Variants in CAMK4 observed in about 807,000 individuals in gnomAD.
CAMK4 encodes calcium/calmodulin dependent protein kinase IV, also known as calcium/calmodulin-dependent protein kinase type IV.
A neutral mutation model predicts 44.9 loss-of-function variants in CAMK4; 22 were observed. That is an observed-to-expected ratio of 0.49 (90% CI 0.35 to 0.70). The LOEUF (loss-of-function observed/expected upper bound fraction) is 0.70, where lower values mean the gene tolerates loss of function less well. CAMK4 is among the 30% of genes least tolerant of loss of function. CAMK4 has a pLI of 0.01. For synonymous variants in CAMK4, 218 were observed against 215.4 expected, an observed-to-expected ratio of 1.01 and a Z score of -0.11; for missense variants, 498 against 586.8, an observed-to-expected ratio of 0.85 and a Z score of 1.56.
chr5:111,474,925 G>A (rs989361653), intron 8 of CAMK4, among the ~76,000 whole-genome samples: 1 of 152,220 alleles, frequency 6.6e-6, no homozygotes, highest in Non-Finnish European at 1.5e-5. Flanking sequence ...CACTTCGGGA[G>A]GCCGAGACGG....
chr5:111,406,067 C>CTT (rs36066971), intron 5 of CAMK4, among the ~76,000 whole-genome samples: 1,795 of 149,566 alleles, frequency 0.012, 27 homozygotes, highest in African/African-American at 0.039. Flanking sequence ...GCATTACATT[C>CTT]TTTTTTTTTT....
chr5:111,481,884 A>T (rs1405002813), intron 9 of CAMK4: 1 of 152,214 alleles, frequency 6.6e-6, no homozygotes, highest in African/African-American at 2.4e-5. Context: ...TGCATCTAAG[A>T]AGCAATTACA....
chr5:111,393,871 G>T (rs992721391), intron 4 of CAMK4, among the ~76,000 whole-genome samples: 1 of 121,366 alleles, frequency 8.2e-6, no homozygotes, highest in Non-Finnish European at 1.7e-5. Context: ...TAAAAGTTTT[G>T]TGTTTTTTTT....
At chr5:111,256,326 G>A (rs1250631135) in intron 1 of CAMK4, among the ~76,000 whole-genome samples, 2 of 152,162 alleles carry the variant, frequency 1.3e-5, no homozygotes, top group African/African-American at 4.8e-5. Flanking sequence ...AGGAACATGA[G>A]TGATACTATT....
chr5:111,281,846 C>G (rs1337860292), intron 1 of CAMK4, among the ~76,000 whole-genome samples: 1 of 151,950 alleles, frequency 6.6e-6, no homozygotes, highest in East Asian at 1.9e-4. Context: ...ATCACGAGGT[C>G]AGGAGATCGA....
chr5:111,434,308 A>T (rs1003735459), intron 5 of CAMK4, among the ~76,000 whole-genome samples: 1 of 148,586 alleles, frequency 6.7e-6, no homozygotes, highest in African/African-American at 2.5e-5. Flanking sequence ...AAAAAAAAAA[A>T]TAGAGCCACT....
chr5:111,347,946 T>A (rs1330411979), intron 2 of CAMK4, among the ~76,000 whole-genome samples: 1 of 151,986 alleles, frequency 6.6e-6, no homozygotes, highest in African/African-American at 2.4e-5. Context: ...TTTAAGAAAG[T>A]TAATAAGGAA....
At chr5:111,247,401 A>T (rs1000463180) in intron 1 of CAMK4, among the ~76,000 whole-genome samples, 1 of 147,674 alleles carries the variant, frequency 6.8e-6, no homozygotes, top group Non-Finnish European at 1.5e-5. Flanking sequence ...TTTTATATTT[A>T]TATATAAATT....
intron 5 of CAMK4, among the ~76,000 whole-genome samples, chr5:111,400,813 G>C (rs1752195539): frequency 6.6e-6 from 1 of 152,108 alleles, no homozygotes. Context: ...GGTCAGTCTG[G>C]ACATTCTGGA....
At chr5:111,224,130 A>C, upstream of CAMK4, 1 of 189,006 alleles carries the variant, frequency 5.3e-6, no homozygotes, top group Non-Finnish European at 1.1e-5. The surrounding 1 kb of genome is among the most constrained non-coding windows in gnomAD (Gnocchi z 5.7). Context: ...CGCGGCAGCC[A>C]CAGCCTGGGA....
At chr5:111,427,773 T>C (rs1753282509) in intron 5 of CAMK4, among the ~76,000 whole-genome samples, 1 of 152,244 alleles carries the variant, frequency 6.6e-6, no homozygotes, top group South Asian at 2.1e-4. Flanking sequence ...TCCTGACTCC[T>C]GGACAGCACT....
chr5:111,316,744 C>T (rs1375922792), intron 1 of CAMK4, among the ~76,000 whole-genome samples: 1 of 152,114 alleles, frequency 6.6e-6, no homozygotes, highest in Non-Finnish European at 1.5e-5. Context: ...CAGTGCTTTT[C>T]TGGCATTGAT....
In CAMK4 at chr5:111,416,325, GAATATTACATTATATTA is replaced by G. The variant is rs1752813034; in HGVS notation, c.459+21545_459+21561del. ...TAACAGTGGTTATTTCTTGCCAGAGGAATATTACATTATATTAATATTTTCTGCATTTTAGAATCTTC... is the reference window on the plus strand; with the variant it reads ...TAACAGTGGTTATTTCTTGCCAGAGGATATTTTCTGCATTTTAGAATCTTC... On this transcript the variant is annotated intron_variant, in intron 5 of 10. Coordinates refer to ENST00000282356, the MANE Select transcript of CAMK4 (RefSeq NM_001744.6). Among the ~76,000 whole-genome samples, 3 of 152,060 alleles carry G rather than the reference GAATATTACATTATATTA, an allele frequency of 2.0e-5. No homozygotes were observed. The East Asian group carries it at 5.8e-4, about 29-fold the overall frequency.
chr5:111,336,555 A>T (rs967240644), intron 1 of CAMK4, among the ~76,000 whole-genome samples: 2 of 151,014 alleles, frequency 1.3e-5, no homozygotes, highest in Non-Finnish European at 3.0e-5. Context: ...TGCCTTTAAA[A>T]ATTTATTTCT....
intron 4 of CAMK4, 105 bp from the exon 5 acceptor site, chr5:111,394,605 A>G (rs951964978): frequency 5.6e-6 from 4 of 709,554 alleles, no homozygotes; most frequent in African/African-American, 1.8e-5. Context: ...GCTTGTTTCA[A>G]TTGTTTATGT....
At chr5:111,321,510 TGTC>T (rs376075748) in intron 1 of CAMK4, among the ~76,000 whole-genome samples, 62,715 of 151,148 alleles carry the variant, frequency 0.41, 13,527 homozygotes, top group South Asian at 0.56. Context: ...TATTACTGAA[TGTC>T]ACTGACAAGC....
chr5:111,282,869 C>A (rs1189161809), intron 1 of CAMK4: 1 of 152,180 alleles, frequency 6.6e-6, no homozygotes, highest in Non-Finnish European at 1.5e-5. Flanking sequence ...CCTAGCCTGC[C>A]TTAAATGTGC....
At chr5:111,389,179 T>G (rs1023128963) in intron 4 of CAMK4, among the ~76,000 whole-genome samples, 57 of 152,306 alleles carry the variant, frequency 3.7e-4, no homozygotes, top group African/African-American at 1.3e-3. Context: ...TTTCTAGCTG[T>G]GTCTGCACAT....
At chr5:111,386,922 G>A (rs1751626283) in intron 4 of CAMK4, among the ~76,000 whole-genome samples, 1 of 152,194 alleles carries the variant, frequency 6.6e-6, no homozygotes, top group Non-Finnish European at 1.5e-5. Flanking sequence ...GGTCAGTGTT[G>A]TGATTAAAAT....
Sources: gnomAD v4.1 joint callset for allele counts (sites outside exome capture counted in the v4.1 genomes callset) on GRCh38, gnomAD v4.1.1 for gene constraint, Gnocchi (gnomAD v3.1) non-coding constraint, MANE v1.5 for transcripts, NCBI Gene and HGNC (gene_info 2026-07-23, HGNC 2026-07-21) for gene names.